FBXL16: variants seen among roughly 807,000 people sequenced by gnomAD.
FBXL16 encodes the protein F-box and leucine rich repeat protein 16.
In FBXL16, 7 loss-of-function variants were observed where a neutral mutation model predicts 36.7. The observed-to-expected ratio is 0.19, with a 90% CI of 0.11 to 0.36. The LOEUF (loss-of-function observed/expected upper bound fraction) is 0.36. FBXL16 is among the 10% of genes least tolerant of loss of function. FBXL16 has a pLI of 1.00. For missense variants in FBXL16, 463 were observed against 659.4 expected, an observed-to-expected ratio of 0.70 and a Z score of 3.26; for synonymous variants, 355 against 308.7, an observed-to-expected ratio of 1.15 and a Z score of -1.57.
Position 694,311 on chromosome 16 carries a change from G to T in FBXL16, c.1404C>A (p.Phe468Leu). 1 of 1,472,246 alleles carries T rather than the reference G, an allele frequency of 6.8e-7. No homozygotes were observed. The highest frequency in any genetic ancestry group is 1.4e-5 in the South Asian group (1 of 71,742). 91.2% of individuals were successfully genotyped at this position (1,472,246 alleles called of 1,614,324 possible). Residue 468 changes from phenylalanine (F) to leucine (L), a missense_variant, in exon 6 of 6, where the codon TTC becomes TTA. Coordinates refer to ENST00000397621, the MANE Select transcript of FBXL16 (RefSeq NM_153350.4). ...PGATPELFKY[F>L]SQHLPRCLVI... ...CGAGGCAGCGGGGCAGGTGCTGCGA[G>T]AAATACTTGAAGAGCTCGGGGGTGG...
intron 1 of FBXL16, among the ~76,000 whole-genome samples, chr16:698,152 C>T (rs2040029059): frequency 1.3e-5 from 2 of 151,934 alleles, no homozygotes; most frequent in South Asian, 4.2e-4. Flanking sequence ...TTCGGGCGCC[C>T]ACCACCACAC....
At chr16:699,356 C>T (rs983600869) in intron 1 of FBXL16, among the ~76,000 whole-genome samples, 1 of 152,206 alleles carries the variant, frequency 6.6e-6, no homozygotes, top group African/African-American at 2.4e-5. Flanking sequence ...AGGTGGGACC[C>T]TCACTGTGCC....
intron 1 of FBXL16, among the ~76,000 whole-genome samples, chr16:699,272 C>T (rs929555018): frequency 1.7e-4 from 26 of 152,228 alleles, no homozygotes; most frequent in Non-Finnish European, 2.9e-5. Context: ...GGAGCAGTCC[C>T]GGGCACCCTC....
At chr16:703,146 C>T (rs950215068) in intron 1 of FBXL16, among the ~76,000 whole-genome samples, 1 of 152,210 alleles carries the variant, frequency 6.6e-6, no homozygotes, top group Non-Finnish European at 1.5e-5. Context: ...CCCTGTTCTG[C>T]CTCATGGGGT....
At chr16:704,510 C>G in intron 1 of FBXL16, among the ~76,000 whole-genome samples, 1 of 152,244 alleles carries the variant, frequency 6.6e-6, no homozygotes. Context: ...CCACCTCTGG[C>G]CAGACCAGCC....
chr16:695,505 A>C lies in FBXL16; in HGVS notation c.1052T>G (p.Leu351Arg). The change falls in exon 3 of 6, where the codon CTT (leucine) becomes CGT (arginine). Residue 351 changes from leucine to arginine, a missense_variant. By Grantham distance (102) the Leu-to-Arg change is moderately radical. Coordinates refer to ENST00000397621, the MANE Select transcript of FBXL16 (RefSeq NM_153350.4). ...GATGCGTGGGCACCACGAGAGGTCA[A>C]GGCTGCGCAGCTTGCGCAGGTTCTC... is the stretch of plus-strand genomic sequence containing the variant. ...VAENLRKLRS[L>R]DLSWCPRITD... The C allele has an allele frequency of 6.3e-7, 1 of 1,594,828 alleles. No homozygotes were observed. The highest frequency in any genetic ancestry group is 8.5e-7 in the Non-Finnish European group (1 of 1,176,774).
At chr16:701,274 C>T (rs1567299741) in intron 1 of FBXL16, among the ~76,000 whole-genome samples, 1 of 152,190 alleles carries the variant, frequency 6.6e-6, no homozygotes, top group Non-Finnish European at 1.5e-5. Context: ...ACACCCGCAG[C>T]GCTGCCAGAA....
In FBXL16 at chr16:695,663, C is replaced by T; in HGVS notation, c.894G>A (p.Thr298=). 1 of 1,606,340 alleles carries T rather than the reference C, an allele frequency of 6.2e-7. No homozygotes were observed. The highest frequency in any genetic ancestry group is 8.5e-7 in the Non-Finnish European group (1 of 1,179,324). ...TCTCCCAGCAGGAGAGCAGGCGCAG[C>T]GTGTGCGTGCTGTGGCCCTGGCGCG... ...FTARQGHSTH[T]LRLLSCWEIT... The change falls in exon 3 of 6, where the codon ACG becomes ACA. Residue 298 remains threonine (T), a synonymous_variant. Transcript: ENST00000397621.
At position 697,224 on chromosome 16, in the gene FBXL16, G is replaced by T; in HGVS notation, c.182C>A (p.Ala61Asp). Residue 61 changes from alanine to aspartate, a missense_variant, in exon 2 of 6, where the codon GCT becomes GAT. Around this residue, in one of 3 missense-constraint regions of FBXL16, gnomAD observed 263 missense variants for 341.1 expected, o/e 0.77. Transcript: ENST00000397621. This position sits in a 1 kb window ranked among gnomAD's most constrained non-coding sequence, Gnocchi z 4.6. ...CAGGGCAGCCCGGGACAGTGGAGCA[G>T]CCAGGCTGGGTGGTGGGAGGGTGGG... ...PPPTLPPPSL[A>D]APLSRAALAG... 2 of 1,494,016 alleles carry T rather than the reference G, an allele frequency of 1.3e-6. No individual in the cohort carries two copies. The highest frequency in any genetic ancestry group is 8.9e-7 in the Non-Finnish European group (1 of 1,124,906). The allele number at this position is 1,494,016 out of a possible 1,614,324, so 92.5% of individuals were successfully genotyped here.
At chr16:696,693 AC>A in intron 2 of FBXL16, 79 bp downstream of exon 2, 1 of 1,340,526 alleles carries the variant, frequency 7.5e-7, no homozygotes, top group Non-Finnish European at 9.5e-7. Flanking sequence ...CCCCAAAGCC[AC>A]CATCCGCTCC....
intron 1 of FBXL16, among the ~76,000 whole-genome samples, chr16:701,603 C>T (rs1344274392): frequency 6.6e-6 from 1 of 152,140 alleles, no homozygotes; most frequent in Non-Finnish European, 1.5e-5. Flanking sequence ...GCCCTGGGCC[C>T]GGCCCCACCC....
In FBXL16 at chr16:697,190, G is replaced by T. The variant is rs747868681; in HGVS notation, c.216C>A (p.Gly72=). ...CTGGTCCACCTGCCGGGGTGCACGG[G>T]CCCCCAGCCAGGGCAGCCCGGGACA... ...APLSRAALAG[G]PCTPAGGPAS... The change falls in exon 2 of 6, where the codon GGC becomes GGA. Residue 72 remains glycine, a synonymous_variant. Coordinates refer to ENST00000397621, the MANE Select transcript of FBXL16 (RefSeq NM_153350.4). This position sits in a 1 kb window ranked among gnomAD's most constrained non-coding sequence, Gnocchi z 4.6. The T allele has an allele frequency of 7.6e-6, 10 of 1,319,662 alleles. No individual in the cohort carries two copies. In the Admixed American group the frequency reaches 8.9e-5, roughly 12 times the overall value. 81.7% of individuals were successfully genotyped at this position (1,319,662 alleles called of 1,614,324 possible). A position where few individuals can be genotyped will look rare whatever the true frequency, so the allele number is the denominator to read the frequency against.
chr16:695,199 T>C, intron 3 of FBXL16, 123 bp from the exon 4 acceptor site: 1 of 1,200,980 alleles, frequency 8.3e-7, no homozygotes, highest in East Asian at 2.9e-5. Flanking sequence ...CGCTGGCCCC[T>C]CCTCGCTCCC....
Position 693,747 on chromosome 16 carries a change from T to A in FBXL16, c.*528A>T, listed in dbSNP as rs1210284946. On this transcript the variant is annotated 3_prime_UTR_variant, in exon 6 of 6. Transcript: ENST00000397621. ...ACCCCTCGGAGGGCTCCAGGTATGG[T>A]GCGGTGGAAGATGCAGGAAGCCCGT... 6.6e-6 allele frequency: 1 copy of A among 152,586 alleles called. No individual in the cohort carries two copies. Among genetic ancestry groups the A allele is most frequent in the Non-Finnish European group, 1.5e-5 (1 of 68,242 alleles). 9.5% of individuals were successfully genotyped at this position (152,586 alleles called of 1,614,324 possible).
intron 1 of FBXL16, among the ~76,000 whole-genome samples, chr16:705,184 C>T (rs1049023859): frequency 6.6e-5 from 10 of 152,180 alleles, no homozygotes; most frequent in African/African-American, 2.4e-4. Flanking sequence ...TCTGAGCCGA[C>T]CAGGCGCCCG....
intron 2 of FBXL16, 23 bp downstream of exon 2, chr16:696,741 CCAGCCCTGT>C: frequency 6.7e-7 from 1 of 1,495,442 alleles, no homozygotes; most frequent in South Asian, 1.4e-5. Context: ...CCCCTGCCCC[CCAGCCCTGT>C]CCCCCCCGAG....
chr16:696,586 G>A (rs2040012918), intron 2 of FBXL16, among the ~76,000 whole-genome samples, 187 bp downstream of exon 2: 1 of 130,716 alleles, frequency 7.7e-6, no homozygotes, highest in South Asian at 2.6e-4. Context: ...CCACTGCCCT[G>A]CTGCTGCCAT....
chr16:698,845 C>T (rs1309150628), intron 1 of FBXL16, among the ~76,000 whole-genome samples: 15 of 126,042 alleles, frequency 1.2e-4, no homozygotes, highest in African/African-American at 2.0e-4. Context: ...ATCCAGGAGG[C>T]GGAGGTTGCA....
intron 4 of FBXL16, 121 bp downstream of exon 4, chr16:694,871 A>G: frequency 7.9e-7 from 1 of 1,265,632 alleles, no homozygotes. Flanking sequence ...CGTTCCGCTT[A>G]GGTCGGCTGC....
Sources: gnomAD v4.1 joint callset for allele counts (sites outside exome capture counted in the v4.1 genomes callset) on GRCh38, gnomAD v4.1.1 for gene constraint, gnomAD v4.1.1 regional missense constraint, Gnocchi (gnomAD v3.1) non-coding constraint, MANE v1.5 for transcripts, NCBI Gene and HGNC (gene_info 2026-07-23, HGNC 2026-07-21) for gene names.